PTPRD: variants seen among roughly 807,000 people sequenced by gnomAD.
PTPRD encodes the protein protein tyrosine phosphatase receptor type D.
PTPRD carries 34 observed loss-of-function variants against 214.5 expected under a neutral mutation model. The ratio of observed to expected loss-of-function variants is 0.16; its 90% CI spans 0.12 to 0.21. The LOEUF (loss-of-function observed/expected upper bound fraction) is 0.21. PTPRD is among the 10% of genes least tolerant of loss of function. The pLI, the probability that PTPRD is intolerant of heterozygous loss-of-function variation, is 1.00. For missense variants in PTPRD, 2,545 were observed against 2,398.7 expected, an observed-to-expected ratio of 1.06 and a Z score of -1.27; for synonymous variants, 1,128 against 845.7, an observed-to-expected ratio of 1.33 and a Z score of -5.79.
At chr9:9,559,641 T>C (rs890933140) in intron 8 of PTPRD, among the ~76,000 whole-genome samples, 1 of 152,184 alleles carries the variant, frequency 6.6e-6, no homozygotes, top group Non-Finnish European at 1.5e-5. Context: ...CTATGACATA[T>C]AGTGGAGCTA....
At chr9:9,258,822 G>T (rs770556093) in intron 9 of PTPRD, among the ~76,000 whole-genome samples, 16 of 151,786 alleles carry the variant, frequency 1.1e-4, no homozygotes, top group Non-Finnish European at 1.9e-4. Flanking sequence ...AAGCATATTT[G>T]AACTTCAAAA....
intron 35 of PTPRD, among the ~76,000 whole-genome samples, chr9:8,424,409 T>C (rs1233015015): frequency 3.9e-5 from 6 of 152,150 alleles, no homozygotes; most frequent in Admixed American, 1.3e-4. Flanking sequence ...TTAACTTTCA[T>C]GTGGTTCAAC....
intron 5 of PTPRD, among the ~76,000 whole-genome samples, chr9:9,790,971 A>G (rs1031047638): frequency 6.6e-6 from 1 of 152,204 alleles, no homozygotes; most frequent in Non-Finnish European, 1.5e-5. Context: ...CAGATGGTTC[A>G]GTACATATCA....
intron 12 of PTPRD, among the ~76,000 whole-genome samples, chr9:8,705,189 G>C (rs145149667): frequency 2.1e-4 from 32 of 152,242 alleles, no homozygotes; most frequent in Non-Finnish European, 3.5e-4. Flanking sequence ...TTCCCTTAAT[G>C]AGTATGATCA....
chr9:8,494,201 G>C (rs558942222), intron 26 of PTPRD, among the ~76,000 whole-genome samples: 2 of 151,918 alleles, frequency 1.3e-5, no homozygotes, highest in African/African-American at 2.4e-5. Context: ...TTTTTTTTTA[G>C]CAAGGCTGTA....
chr9:9,973,159 T>G (rs1015080147), intron 4 of PTPRD, among the ~76,000 whole-genome samples: 2 of 152,014 alleles, frequency 1.3e-5, no homozygotes, highest in African/African-American at 2.4e-5. Context: ...GAACAGTAAC[T>G]AAGTTAAAAA....
chr9:8,523,456 G>C (rs771508399), intron 19 of PTPRD, 57 bp downstream of exon 19: 18 of 1,573,770 alleles, frequency 1.1e-5, no homozygotes, highest in Non-Finnish European at 1.6e-5. Context: ...TGTATTCTTT[G>C]TTATTGGTTT....
intron 7 of PTPRD, among the ~76,000 whole-genome samples, chr9:9,576,080 T>C (rs1165403362): frequency 6.6e-6 from 1 of 152,132 alleles, no homozygotes; most frequent in Non-Finnish European, 1.5e-5. Context: ...TTATAATAGA[T>C]TGAGTCTTTT....
chr9:8,581,505 T>C (rs1397760295), intron 14 of PTPRD, among the ~76,000 whole-genome samples: 2 of 152,006 alleles, frequency 1.3e-5, no homozygotes, highest in Non-Finnish European at 1.5e-5. Context: ...TCCCAGCACT[T>C]TGGGAGGCCG....
chr9:9,487,028 A>T (rs1397578854), intron 8 of PTPRD, among the ~76,000 whole-genome samples: 1 of 152,220 alleles, frequency 6.6e-6, no homozygotes, highest in Non-Finnish European at 1.5e-5. Context: ...TTAATAATAA[A>T]ATAGAGCAAA....
intron 2 of PTPRD, among the ~76,000 whole-genome samples, chr9:10,482,169 A>G (rs1266682794): frequency 6.6e-6 from 1 of 152,064 alleles, no homozygotes; most frequent in Non-Finnish European, 1.5e-5. Context: ...CAGGAGATTG[A>G]GACCAGCCCG....
intron 2 of PTPRD, among the ~76,000 whole-genome samples, chr9:10,526,454 T>C (rs573050813): frequency 2.0e-5 from 3 of 152,204 alleles, no homozygotes; most frequent in South Asian, 2.1e-4. Flanking sequence ...AGGAAAATGA[T>C]AGATTTGAGA....
chr9:8,475,875 A>AC (rs2096753494), intron 30 of PTPRD, among the ~76,000 whole-genome samples: 1 of 151,706 alleles, frequency 6.6e-6, no homozygotes, highest in Admixed American at 6.6e-5. Context: ...TACTCTCTCA[A>AC]CTCTCTCTAT....
chr9:8,504,662 A>G (rs1349614160), intron 22 of PTPRD, among the ~76,000 whole-genome samples: 1 of 152,216 alleles, frequency 6.6e-6, no homozygotes, highest in Non-Finnish European at 1.5e-5. Context: ...ACAGTCAGCC[A>G]AATACATCAG....
intron 8 of PTPRD, among the ~76,000 whole-genome samples, chr9:9,562,843 C>A (rs538042821): frequency 6.6e-6 from 1 of 152,198 alleles, no homozygotes; most frequent in South Asian, 2.1e-4. Flanking sequence ...CTGTAAAATA[C>A]ATAACCTTTA....
At position 10,144,310 on chromosome 9, in the gene PTPRD, A is replaced by T. The variant is rs953933305; in HGVS notation, c.-544-110520T>A. On this transcript the variant is annotated intron_variant, in intron 3 of 45. Transcript: ENST00000381196. Reference sequence around the variant, plus strand: ...ATCTGTTCCCCATTTACTGCCCATAAAATATAGGCTGGACTTAGTAAAATA... The same window carrying T: ...ATCTGTTCCCCATTTACTGCCCATATAATATAGGCTGGACTTAGTAAAATA... Among the ~76,000 whole-genome samples, 12 of 152,020 alleles carry T rather than the reference A, an allele frequency of 7.9e-5. No individual in the cohort carries two copies. In the East Asian group the frequency reaches 2.1e-3, roughly 27 times the overall value.
intron 4 of PTPRD, among the ~76,000 whole-genome samples, chr9:10,025,900 G>A (rs1273060692): frequency 6.6e-6 from 1 of 152,152 alleles, no homozygotes; most frequent in Non-Finnish European, 1.5e-5. Context: ...GAAATATAAA[G>A]GGTAAGAAAA....
At chr9:9,105,100 T>C (rs1391185633) in intron 10 of PTPRD, among the ~76,000 whole-genome samples, 2 of 152,224 alleles carry the variant, frequency 1.3e-5, no homozygotes, top group Non-Finnish European at 2.9e-5. Context: ...TTTCTGCATC[T>C]TTCACAGACA....
At chr9:8,677,462 G>C (rs2097450539) in intron 12 of PTPRD, among the ~76,000 whole-genome samples, 2 of 152,104 alleles carry the variant, frequency 1.3e-5, no homozygotes, top group African/African-American at 4.8e-5. Context: ...ATAAACGGGA[G>C]CTAAACATTG....
Sources: gnomAD v4.1 joint callset for allele counts (sites outside exome capture counted in the v4.1 genomes callset) on GRCh38, gnomAD v4.1.1 for gene constraint, MANE v1.5 for transcripts, NCBI Gene and HGNC (gene_info 2026-07-23, HGNC 2026-07-21) for gene names.